The following ROBO2 variants were observed in gnomAD, a reference collection of about 807,000 sequenced individuals.
ROBO2 encodes roundabout guidance receptor 2.
Under a neutral mutation model 160.8 loss-of-function variants are expected in ROBO2, and 53 were observed. The ratio of observed to expected loss-of-function variants is 0.33; its 90% CI spans 0.26 to 0.41. ROBO2 has a LOEUF of 0.41. Among genes scored for constraint, ROBO2 ranks in the 10% least tolerant of loss-of-function variants. ROBO2 has a pLI of 1.00. For missense variants in ROBO2, 1,577 were observed against 1,722.4 expected (o/e 0.92, Z 1.49); for synonymous variants, 664 against 611.7 (o/e 1.09, Z -1.26).
chr3:77,565,234 C>T, intron 12 of ROBO2, 114 bp downstream of exon 13: 1 of 1,169,196 alleles, frequency 8.6e-7, no homozygotes. Flanking sequence ...TATGATGGCT[C>T]ACTAGGCTTT....
intron 2 of ROBO2, among the ~76,000 whole-genome samples, chr3:76,837,539 A>G (rs1361484757): frequency 6.6e-6 from 1 of 151,524 alleles, no homozygotes; most frequent in Non-Finnish European, 1.5e-5. Flanking sequence ...AAACCCAAAC[A>G]TATAGAAAGT....
At chr3:77,102,356 C>T (rs1177657562) in intron 2 of ROBO2, among the ~76,000 whole-genome samples, 4 of 151,974 alleles carry the variant, frequency 2.6e-5, no homozygotes, top group African/African-American at 4.8e-5. Flanking sequence ...ATACCTCTGG[C>T]GTTTGTTCAC....
At chr3:76,943,336 A>G (rs2078319383) in intron 2 of ROBO2, among the ~76,000 whole-genome samples, 1 of 152,078 alleles carries the variant, frequency 6.6e-6, no homozygotes, top group Non-Finnish European at 1.5e-5. Context: ...GTGTCCCCAG[A>G]CCTGGCTAGA....
At chr3:77,521,514 T>TA (rs1386933006) in intron 5 of ROBO2, among the ~76,000 whole-genome samples, 1 of 151,250 alleles carries the variant, frequency 6.6e-6, no homozygotes, top group African/African-American at 2.4e-5. Context: ...AAGTAGTGGA[T>TA]AAAAAAGTAG....
intron 2 of ROBO2, among the ~76,000 whole-genome samples, chr3:77,341,489 C>G (rs535866633): frequency 6.6e-6 from 1 of 152,274 alleles, no homozygotes; most frequent in East Asian, 1.9e-4. Context: ...GCCAGCAAGT[C>G]TTTGAGCTTG....
chr3:77,211,789 A>T (rs548703130), intron 2 of ROBO2, among the ~76,000 whole-genome samples: 5 of 152,230 alleles, frequency 3.3e-5, no homozygotes, highest in African/African-American at 1.2e-4. Context: ...AGCTTTCTAC[A>T]TATGGCTACC....
In ROBO2 at chr3:76,951,884, C is replaced by G. The variant is rs370768295; in HGVS notation, c.110-146130C>G. On this transcript the variant is annotated intron_variant, in intron 2 of 26. Coordinates refer to the ROBO2 transcript ENST00000487694. ...TTCTAAAGCCCCAACCGTAGGCATA[C>G]AGCCATTGATACTATGAAACTCCTG... Among the ~76,000 whole-genome samples the G allele has an allele frequency of 4.6e-5, 7 of 152,336 alleles. No homozygotes were observed. The East Asian group carries it at 1.2e-3, about 25-fold the overall frequency.
At chr3:76,554,689 G>A (rs2083603424) in intron 2 of ROBO2, among the ~76,000 whole-genome samples, 1 of 151,976 alleles carries the variant, frequency 6.6e-6, no homozygotes, top group Non-Finnish European at 1.5e-5. Flanking sequence ...CGACAACCAT[G>A]TAGGGAAACT....
At chr3:76,381,051 A>AT (rs2076596060) in intron 2 of ROBO2, among the ~76,000 whole-genome samples, 1 of 150,788 alleles carries the variant, frequency 6.6e-6, no homozygotes, top group Non-Finnish European at 1.5e-5. Flanking sequence ...AAAAAAAAAA[A>AT]GCAGATAAAT....
Position 77,628,452 on chromosome 3 carries a change from G to A in ROBO2, c.3760+6020G>A, listed in dbSNP as rs1027107160. On this transcript the variant is annotated intron_variant, in intron 23 of 25. Transcript: ENST00000461745. ...CTTCTCTCTCTCTCTTTTTGTGGGG[G>A]GGGGGTAATTGTTTACCTAAATCTT... Among the ~76,000 whole-genome samples the A allele has an allele frequency of 2.1e-4, 30 of 145,766 alleles. No individual in the cohort carries two copies. In the South Asian group the frequency reaches 6.5e-3, roughly 31 times the overall value.
chr3:77,436,165 T>G (rs945098863), intron 2 of ROBO2, among the ~76,000 whole-genome samples: 17 of 151,610 alleles, frequency 1.1e-4, no homozygotes, highest in African/African-American at 4.1e-4. Context: ...TTTTTTTACA[T>G]TTCAGATTTT....
At chr3:76,155,194 A>T (rs912102639) in intron 2 of ROBO2, among the ~76,000 whole-genome samples, 1 of 152,152 alleles carries the variant, frequency 6.6e-6, no homozygotes, top group African/African-American at 2.4e-5. Flanking sequence ...ACTAATAAAA[A>T]ATAGGCCTAA....
chr3:76,328,762 A>G (rs6548420), intron 2 of ROBO2, among the ~76,000 whole-genome samples: 130,693 of 151,814 alleles, frequency 0.86, 57,758 homozygotes, highest in Non-Finnish European at 0.98. Flanking sequence ...GGGAGGCTGA[A>G]GCAGGAGACT....
At chr3:77,401,404 G>A (rs2153512074) in intron 2 of ROBO2, among the ~76,000 whole-genome samples, 1 of 152,204 alleles carries the variant, frequency 6.6e-6, no homozygotes, top group East Asian at 1.9e-4. Flanking sequence ...CAGGGACAGT[G>A]TATTTTTATG....
At chr3:76,798,225 AAG>A (rs1416300686) in intron 2 of ROBO2, among the ~76,000 whole-genome samples, 2 of 148,600 alleles carry the variant, frequency 1.3e-5, no homozygotes, top group African/African-American at 2.5e-5. Flanking sequence ...AAAAGAAAGA[AAG>A]AGAAAGAAAG....
intron 2 of ROBO2, among the ~76,000 whole-genome samples, chr3:77,457,405 G>A (rs2081774523): frequency 6.6e-6 from 1 of 152,134 alleles, no homozygotes; most frequent in Non-Finnish European, 1.5e-5. Context: ...CATTTGCTTA[G>A]TGTAAGTTTA....
intron 2 of ROBO2, among the ~76,000 whole-genome samples, chr3:77,288,133 A>C (rs1440418994): frequency 3.3e-5 from 5 of 152,140 alleles, no homozygotes; most frequent in African/African-American, 1.2e-4. Context: ...CTCTTTTTCC[A>C]CTGAGATCAA....
intron 2 of ROBO2, among the ~76,000 whole-genome samples, chr3:77,337,441 AG>A (rs2066602900): frequency 6.6e-6 from 1 of 152,142 alleles, no homozygotes; most frequent in Admixed American, 6.6e-5. Context: ...ATTTTCTTAA[AG>A]GCTGCTCAAG....
At chr3:76,017,310 GCT>G (rs2066432515) in intron 2 of ROBO2, among the ~76,000 whole-genome samples, 3 of 152,140 alleles carry the variant, frequency 2.0e-5, no homozygotes, top group African/African-American at 4.8e-5. Context: ...CTTTGTGACA[GCT>G]CACAGTATAT....
Sources: allele counts gnomAD v4.1 joint callset (sites outside exome capture counted in the v4.1 genomes callset), GRCh38; gene constraint gnomAD v4.1.1; transcripts MANE v1.5; gene names NCBI Gene and HGNC (gene_info 2026-07-23, HGNC 2026-07-21).